Variants in DCC observed in about 807,000 individuals in gnomAD.
The protein encoded by DCC is netrin receptor DCC.
In DCC, 58 loss-of-function variants were observed where a neutral mutation model predicts 172.5. The ratio of observed to expected loss-of-function variants is 0.34; its 90% CI spans 0.27 to 0.42. DCC has a LOEUF of 0.42. DCC is among the 10% of genes least tolerant of loss of function. The pLI is 1.00. For synonymous variants in DCC, 709 were observed against 644.5 expected (o/e 1.10, Z -1.52); for missense variants, 1,740 against 1,791.0 (o/e 0.97, Z 0.51).
At chr18:52,640,059 C>T (rs2034860657) in intron 1 of DCC, among the ~76,000 whole-genome samples, 1 of 152,084 alleles carries the variant, frequency 6.6e-6, no homozygotes, top group Non-Finnish European at 1.5e-5. Context: ...GATGGTTTAA[C>T]ATACACAAGT....
intron 2 of DCC, among the ~76,000 whole-genome samples, chr18:52,794,684 G>A (rs2037838927): frequency 6.6e-6 from 1 of 152,040 alleles, no homozygotes; most frequent in Non-Finnish European, 1.5e-5. Context: ...AATAAATGTG[G>A]TGAAAGTGGG....
At chr18:52,366,986 A>G (rs1371961291) in intron 1 of DCC, among the ~76,000 whole-genome samples, 1 of 152,204 alleles carries the variant, frequency 6.6e-6, no homozygotes, top group Non-Finnish European at 1.5e-5. Context: ...CGGGCCGCAC[A>G]GGAGCCCATG....
At chr18:52,804,591 G>A (rs1297982451) in intron 2 of DCC, among the ~76,000 whole-genome samples, 3 of 152,020 alleles carry the variant, frequency 2.0e-5, no homozygotes, top group Admixed American at 6.6e-5. Context: ...TTTTTGAGAC[G>A]GAGTCTTGCT....
intron 21 of DCC, among the ~76,000 whole-genome samples, chr18:53,433,705 C>G (rs1304342104): frequency 6.6e-6 from 1 of 152,174 alleles, no homozygotes; most frequent in Admixed American, 6.5e-5. Context: ...GACTTGTCCA[C>G]ATTTTTGTCA....
intron 6 of DCC, 77 bp from the exon 7 acceptor site, chr18:53,065,969 G>T: frequency 6.5e-7 from 1 of 1,547,092 alleles, no homozygotes; most frequent in South Asian, 1.1e-5. Flanking sequence ...ATCAAACTTT[G>T]GTCTCATCTA....
At chr18:52,685,863 A>G (rs897743188) in intron 1 of DCC, among the ~76,000 whole-genome samples, 2 of 152,152 alleles carry the variant, frequency 1.3e-5, no homozygotes, top group African/African-American at 4.8e-5. Context: ...GAGATAAGAT[A>G]TGCACTTGGT....
chr18:53,288,221 T>C (rs1262326725), intron 12 of DCC, among the ~76,000 whole-genome samples: 1 of 152,190 alleles, frequency 6.6e-6, no homozygotes, highest in Non-Finnish European at 1.5e-5. Context: ...ATATTCTTGA[T>C]TAAAGGATCA....
chr18:52,911,341 C>T (rs145858107), intron 3 of DCC, among the ~76,000 whole-genome samples: 1 of 151,982 alleles, frequency 6.6e-6, no homozygotes, highest in South Asian at 2.1e-4. Context: ...TAGATTATTA[C>T]TTTTATAGGT....
At chr18:53,379,011 C>T (rs371049733) in intron 15 of DCC, among the ~76,000 whole-genome samples, 3 of 152,232 alleles carry the variant, frequency 2.0e-5, no homozygotes, top group Non-Finnish European at 4.4e-5. Flanking sequence ...ATATGTGTTG[C>T]TCATCCTTTT....
intron 11 of DCC, among the ~76,000 whole-genome samples, chr18:53,213,815 T>C (rs1210724912): frequency 6.6e-6 from 1 of 151,898 alleles, no homozygotes; most frequent in Non-Finnish European, 1.5e-5. Flanking sequence ...TTTAAAAAAC[T>C]AAATTGTAAT....
intron 1 of DCC, among the ~76,000 whole-genome samples, chr18:52,456,144 T>A (rs187726067): frequency 1.3e-5 from 2 of 152,324 alleles, no homozygotes; most frequent in African/African-American, 4.8e-5. Flanking sequence ...TTATATTTAT[T>A]TAAATATATT....
At chr18:53,316,033 G>T (rs1301641986) in intron 13 of DCC, among the ~76,000 whole-genome samples, 1 of 152,044 alleles carries the variant, frequency 6.6e-6, no homozygotes. Context: ...TAGTCATGAA[G>T]TCTTTGGCCA....
intron 12 of DCC, among the ~76,000 whole-genome samples, chr18:53,232,364 A>G (rs904610359): frequency 3.3e-5 from 5 of 152,132 alleles, no homozygotes; most frequent in Admixed American, 6.6e-5. Flanking sequence ...TAAGCACAGC[A>G]TTATTATTCA....
At chr18:52,580,313 A>C (rs1568238904) in intron 1 of DCC, among the ~76,000 whole-genome samples, 1 of 152,208 alleles carries the variant, frequency 6.6e-6, no homozygotes, top group Non-Finnish European at 1.5e-5. Flanking sequence ...GTTGGAGTGC[A>C]GTGGCGCGAT....
chr18:53,224,570 A>G (rs2055995579), intron 12 of DCC, among the ~76,000 whole-genome samples: 1 of 152,148 alleles, frequency 6.6e-6, no homozygotes, highest in Non-Finnish European at 1.5e-5. Flanking sequence ...TTCAGAGACA[A>G]CCAAGTGCTC....
intron 15 of DCC, among the ~76,000 whole-genome samples, chr18:53,349,504 C>T (rs968549321): frequency 6.6e-6 from 1 of 152,156 alleles, no homozygotes; most frequent in Admixed American, 6.5e-5. Flanking sequence ...CAGCAACCTC[C>T]AACTCCTGGT....
Position 52,882,540 on chromosome 18 carries a change from A to G in DCC, c.413-23504A>G, listed in dbSNP as rs190488848. The stretch of plus-strand genomic sequence containing the variant: ...AATTTTCTTCTTGATTCAGGAGCAT[A>G]CTGTTTAATTTCCATGTGTTTGTAT... On this transcript the variant is annotated intron_variant, in intron 2 of 28. Coordinates refer to ENST00000442544, the MANE Select transcript of DCC (RefSeq NM_005215.4). 3.0e-3 allele frequency among the ~76,000 whole-genome samples: 455 copies of G among 151,930 alleles called. 1 individual carries two copies. Among genetic ancestry groups the G allele is most frequent in the Admixed American group, 6.4e-3 (97 of 15,264 alleles).
intron 1 of DCC, among the ~76,000 whole-genome samples, chr18:52,743,713 C>T (rs1031357409): frequency 2.0e-5 from 3 of 152,166 alleles, no homozygotes; most frequent in Admixed American, 1.3e-4. Flanking sequence ...GCCATGTGCT[C>T]GGAATGTCGG....
intron 1 of DCC, among the ~76,000 whole-genome samples, chr18:52,441,757 A>G (rs1426627092): frequency 6.6e-6 from 1 of 152,218 alleles, no homozygotes; most frequent in Non-Finnish European, 1.5e-5. Flanking sequence ...ATAGCAAACA[A>G]AAGTTCAAGA....
Sources: gnomAD v4.1 joint callset for allele counts (sites outside exome capture counted in the v4.1 genomes callset) on GRCh38, gnomAD v4.1.1 for gene constraint, MANE v1.5 for transcripts, NCBI Gene and HGNC (gene_info 2026-07-23, HGNC 2026-07-21) for gene names.